Variants in CREB5 observed in about 807,000 individuals in gnomAD.
CREB5 encodes cyclic AMP-responsive element-binding protein 5.
Under a neutral mutation model 57.1 loss-of-function variants are expected in CREB5, and 19 were observed. That is an observed-to-expected ratio of 0.33 (90% CI 0.23 to 0.49). CREB5 has a LOEUF of 0.49. Ranked by LOEUF, CREB5 falls within the 20% of genes least tolerant of loss-of-function variation. The probability of loss-of-function intolerance (pLI) is 0.99; values close to 1 mark genes in which losing one functional copy is unlikely to be tolerated. For synonymous variants in CREB5, 238 were observed against 238.3 expected (o/e 1.00, Z 0.01); for missense variants, 579 against 671.6 (o/e 0.86, Z 1.52).
At chr7:28,383,768 A>G (rs1167715262) in intron 1 of CREB5, among the ~76,000 whole-genome samples, 3 of 152,164 alleles carry the variant, frequency 2.0e-5, no homozygotes, top group African/African-American at 7.2e-5. Context: ...TGGACATGCG[A>G]TTTGGGTGGG....
At chr7:28,649,887 T>G (rs1333677974) in intron 5 of CREB5, among the ~76,000 whole-genome samples, 1 of 152,194 alleles carries the variant, frequency 6.6e-6, no homozygotes, top group Non-Finnish European at 1.5e-5. Context: ...ATGAGCTAAA[T>G]AGTCAGTTGA....
intron 5 of CREB5, among the ~76,000 whole-genome samples, chr7:28,641,331 A>T (rs1014852919): frequency 1.3e-5 from 2 of 152,118 alleles, no homozygotes; most frequent in African/African-American, 4.8e-5. Context: ...GTTAGGGAAG[A>T]TGGGGCTAAA....
At chr7:28,346,843 A>C (rs1424252078) in intron 1 of CREB5, among the ~76,000 whole-genome samples, 1 of 84,990 alleles carries the variant, frequency 1.2e-5, no homozygotes, top group Non-Finnish European at 2.7e-5. Context: ...CACAGCTACA[A>C]CTTGAAAGAT....
At chr7:28,355,955 G>A (rs950360330) in intron 1 of CREB5, among the ~76,000 whole-genome samples, 3 of 152,136 alleles carry the variant, frequency 2.0e-5, no homozygotes, top group South Asian at 2.1e-4. Flanking sequence ...AGGGCAATTC[G>A]TTGTGAGGAG....
chr7:28,790,713 C>T (rs1172571282), intron 7 of CREB5, among the ~76,000 whole-genome samples: 1 of 152,222 alleles, frequency 6.6e-6, no homozygotes, highest in Non-Finnish European at 1.5e-5. Flanking sequence ...ATCTGCCTAG[C>T]AGAAGCAGTC....
intron 1 of CREB5, among the ~76,000 whole-genome samples, chr7:28,330,422 G>GTT (rs1562659956): frequency 3.9e-5 from 2 of 50,638 alleles, no homozygotes; most frequent in Admixed American, 3.9e-4. Flanking sequence ...TTTTTTTTTT[G>GTT]CATATTTAGT....
At chr7:28,690,772 G>A (rs979223639) in intron 5 of CREB5, among the ~76,000 whole-genome samples, 1 of 152,290 alleles carries the variant, frequency 6.6e-6, no homozygotes, top group South Asian at 2.1e-4. Flanking sequence ...CTGCAGGTAC[G>A]GCCTCCCTGA....
chr7:28,581,091 G>A (rs1414216180), intron 5 of CREB5, among the ~76,000 whole-genome samples: 6 of 152,266 alleles, frequency 3.9e-5, no homozygotes, highest in East Asian at 1.9e-4. Context: ...GGCTAGGTTC[G>A]AAACAGTCTG....
rs548699805 is a variant in CREB5, at chr7:28,645,544, A to G, written c.465-73209A>G. Among the ~76,000 whole-genome samples, 28 of 152,304 alleles carry G rather than the reference A, an allele frequency of 1.8e-4. No individual in the cohort carries two copies. In the South Asian group the frequency reaches 5.6e-3, roughly 30 times the overall value. On this transcript the variant is annotated intron_variant, in intron 5 of 10. Coordinates refer to ENST00000357727, the MANE Select transcript of CREB5 (RefSeq NM_182898.4). ...GCTGATGTTAATTATAAAATACAGA[A>G]ATGTGCAGAGAGACAGAGAATATTT...
chr7:28,725,647 A>ATTT (rs1562598215), intron 7 of CREB5, among the ~76,000 whole-genome samples: 58 of 141,014 alleles, frequency 4.1e-4, no homozygotes, highest in African/African-American at 1.6e-3. Flanking sequence ...TCTTTTTTTA[A>ATTT]AAAAAAAAAA....
At chr7:28,634,906 CAGTT>C (rs1174749616) in intron 5 of CREB5, among the ~76,000 whole-genome samples, 1 of 152,118 alleles carries the variant, frequency 6.6e-6, no homozygotes, top group Non-Finnish European at 1.5e-5. Context: ...AGCACTGTAT[CAGTT>C]AGGAATGCAT....
At chr7:28,519,826 G>T (rs1793132017) in intron 4 of CREB5, among the ~76,000 whole-genome samples, 1 of 152,148 alleles carries the variant, frequency 6.6e-6, no homozygotes, top group Non-Finnish European at 1.5e-5. Context: ...TTTACATTTT[G>T]CTCTTCTTAA....
intron 5 of CREB5, among the ~76,000 whole-genome samples, chr7:28,702,485 A>G (rs1393919100): frequency 1.3e-5 from 2 of 152,234 alleles, no homozygotes; most frequent in African/African-American, 4.8e-5. Context: ...GTGCTCACTT[A>G]TGTTGGATCA....
chr7:28,709,809 C>T (rs752019769), intron 5 of CREB5, among the ~76,000 whole-genome samples: 3 of 152,150 alleles, frequency 2.0e-5, no homozygotes, highest in South Asian at 2.1e-4. Context: ...GTGTGGTAAA[C>T]TTCATTTCCA....
intron 5 of CREB5, among the ~76,000 whole-genome samples, chr7:28,684,103 T>C (rs1387092359): frequency 6.6e-6 from 1 of 152,208 alleles, no homozygotes; most frequent in Non-Finnish European, 1.5e-5. Flanking sequence ...TGCAAAATCT[T>C]GCCAACCTGC....
intron 1 of CREB5, among the ~76,000 whole-genome samples, chr7:28,381,841 G>A (rs1379128616): frequency 6.6e-6 from 1 of 152,198 alleles, no homozygotes; most frequent in Non-Finnish European, 1.5e-5. Context: ...TTGTGTTTTA[G>A]TCAGTGATCT....
chr7:28,426,488 C>G (rs1448180124), intron 1 of CREB5, among the ~76,000 whole-genome samples: 2 of 152,210 alleles, frequency 1.3e-5, no homozygotes, highest in African/African-American at 4.8e-5. Context: ...CAAGACAGAT[C>G]CACTGTGGTT....
chr7:28,748,613 G>C (rs1198991026), intron 7 of CREB5, among the ~76,000 whole-genome samples: 1 of 152,210 alleles, frequency 6.6e-6, no homozygotes, highest in African/African-American at 2.4e-5. Flanking sequence ...TCCTTGAGAA[G>C]AGAGACTTCA....
intron 2 of CREB5, 34 bp downstream of exon 2, chr7:28,488,280 A>G (rs1416143040): frequency 1.2e-6 from 2 of 1,601,320 alleles, no homozygotes; most frequent in Non-Finnish European, 1.7e-6. Flanking sequence ...TCTGACATGC[A>G]GGGCCTGCTT....
Sources: allele counts gnomAD v4.1 joint callset (sites outside exome capture counted in the v4.1 genomes callset), GRCh38; gene constraint gnomAD v4.1.1; transcripts MANE v1.5; gene names NCBI Gene and HGNC (gene_info 2026-07-23, HGNC 2026-07-21).